Variants in FKBP15 observed in about 807,000 individuals in gnomAD.
The protein encoded by FKBP15 is FK506-binding protein 15.
A neutral mutation model predicts 158.1 loss-of-function variants in FKBP15; 106 were observed. That is an observed-to-expected ratio of 0.67 (90% CI 0.57 to 0.79). The LOEUF (loss-of-function observed/expected upper bound fraction) is 0.79. Among genes scored for constraint, FKBP15 ranks in the 30% least tolerant of loss-of-function variants. The pLI is 0.00. For missense variants in FKBP15, 1,287 were observed against 1,479.1 expected, an observed-to-expected ratio of 0.87 and a Z score of 2.13; for synonymous variants, 547 against 548.6, an observed-to-expected ratio of 1.00 and a Z score of 0.04.
At chr9:113,168,437 G>C (rs760689780) in intron 27 of FKBP15, 23 bp downstream of exon 27, 5 of 1,604,942 alleles carry the variant, frequency 3.1e-6, no homozygotes, top group Non-Finnish European at 4.3e-6. Context: ...GTGAGGACTT[G>C]ACAGTGCCTG....
In FKBP15 at chr9:113,202,582, G is replaced by A. The variant is rs62000402; in HGVS notation, c.447C>T (p.Asn149=). ...YSTFYDDQRQ[N]WSIMFESEKA... Reference sequence around the variant, plus strand: ...TTTCCGACTCAAACATGATGGACCAGTTCTGTCTCTGGTCATCATAAAAGG... The same window carrying A: ...TTTCCGACTCAAACATGATGGACCAATTCTGTCTCTGGTCATCATAAAAGG... Residue 149 remains asparagine (N), a synonymous_variant, in exon 6 of 28, where the codon AAC becomes AAT. Transcript: ENST00000238256. The A allele has an allele frequency of 3.3e-3, 5,219 of 1,584,238 alleles. 156 individuals carry two copies. In the African/African-American group the frequency reaches 0.062, roughly 19 times the overall value.
Position 113,221,069 on chromosome 9 carries a change from G to C in FKBP15, c.53+122C>G, listed in dbSNP as rs527927943. 5 of 1,070,172 alleles carry C rather than the reference G, an allele frequency of 4.7e-6. No homozygotes were observed. The South Asian group carries it at 8.0e-5, about 17-fold the overall frequency. 66.3% of individuals were successfully genotyped at this position (1,070,172 alleles called of 1,614,324 possible). A position where few individuals can be genotyped will look rare whatever the true frequency, so the allele number is the denominator to read the frequency against. On this transcript the variant is annotated intron_variant, in intron 1 of 27. Coordinates refer to ENST00000238256, the MANE Select transcript of FKBP15 (RefSeq NM_015258.2). ...AGATTCTGAGAGGTGTAGAGCACCG[G>C]AATGTGGCAAGGGTCTCCCCCCGGA...
At chr9:113,193,633 T>G in intron 10 of FKBP15, 84 bp from the exon 11 acceptor site, 1 of 1,148,292 alleles carries the variant, frequency 8.7e-7, no homozygotes, top group Admixed American at 2.0e-5. Context: ...GCAAATTGTT[T>G]TTTTAAATGT....
chr9:113,219,219 A>G (rs1318499433), intron 1 of FKBP15, among the ~76,000 whole-genome samples: 4 of 152,254 alleles, frequency 2.6e-5, no homozygotes, highest in African/African-American at 4.8e-5. Flanking sequence ...CTAGAAACTC[A>G]GAAGGCAGAT....
intron 4 of FKBP15, chr9:113,206,185 T>TGTATGTGTAC (rs1830882586): frequency 2.9e-6 from 1 of 342,046 alleles, no homozygotes; most frequent in South Asian, 4.1e-5. Context: ...TATGTGTATA[T>TGTATGTGTAC]ATATGTGTGT....
chr9:113,215,583 T>C (rs1831104335), intron 1 of FKBP15, among the ~76,000 whole-genome samples: 1 of 149,258 alleles, frequency 6.7e-6, no homozygotes, highest in African/African-American at 2.5e-5. Flanking sequence ...CATATATACA[T>C]ATGTGTGAAT....
intron 2 of FKBP15, among the ~76,000 whole-genome samples, chr9:113,208,817 G>A (rs890617762): frequency 6.6e-6 from 1 of 151,940 alleles, no homozygotes; most frequent in African/African-American, 2.4e-5. Flanking sequence ...GACCAGTCTG[G>A]CCAACATGGT....
chr9:113,168,321 CA>C, intron 27 of FKBP15, 138 bp downstream of exon 27: 1 of 697,406 alleles, frequency 1.4e-6, no homozygotes, highest in Non-Finnish European at 2.4e-6. Flanking sequence ...AGCCCAGCCC[CA>C]AGCCTGCTCC....
chr9:113,190,003 A>G (rs977494676), intron 12 of FKBP15, among the ~76,000 whole-genome samples: 13 of 152,258 alleles, frequency 8.5e-5, no homozygotes, highest in African/African-American at 2.9e-4. Flanking sequence ...ATTCAATAAA[A>G]TTATTGAACT....
intron 7 of FKBP15, among the ~76,000 whole-genome samples, chr9:113,199,436 G>A (rs1025716635): frequency 2.0e-5 from 3 of 152,130 alleles, no homozygotes; most frequent in Non-Finnish European, 2.9e-5. Context: ...TAAGTTCAAT[G>A]TATTTACAGT....
chr9:113,179,209 A>T (rs766659549), intron 19 of FKBP15, among the ~76,000 whole-genome samples: 2 of 151,912 alleles, frequency 1.3e-5, no homozygotes, highest in Non-Finnish European at 2.9e-5. Flanking sequence ...TATACCTTAC[A>T]TACATTTTCA....
Position 113,196,915 on chromosome 9 carries a change from C to G in FKBP15, c.864+17G>C. ...GGCAGAGGACTCATCAAACAAAACA[C>G]AGAGAGTTTCACTCACCCGCCTAAC... On this transcript the variant is annotated intron_variant, in intron 9 of 27. Coordinates refer to ENST00000238256, the MANE Select transcript of FKBP15 (RefSeq NM_015258.2). The G allele has an allele frequency of 3.1e-6, 5 of 1,612,498 alleles. No individual in the cohort carries two copies. Among genetic ancestry groups the G allele is most frequent in the Non-Finnish European group, 4.2e-6 (5 of 1,178,712 alleles).
chr9:113,182,276 C>T (rs375415495), intron 19 of FKBP15, among the ~76,000 whole-genome samples: 30 of 152,122 alleles, frequency 2.0e-4, no homozygotes, highest in African/African-American at 6.0e-4. Flanking sequence ...AGGGGAGAAG[C>T]GAGCTTCAGA....
rs1830725808 is a variant in FKBP15 at position 113,198,398 on chromosome 9, C to A, written c.717+457G>T. ...TAAAAATCTCCCAAATGCAATGTAA[C>A]ACATTTTCCCCTCGTATTCTTCATC... On this transcript the variant is annotated intron_variant, in intron 8 of 27. Coordinates refer to ENST00000238256, the MANE Select transcript of FKBP15 (RefSeq NM_015258.2). This position sits in a 1 kb window ranked among gnomAD's most constrained non-coding sequence, Gnocchi z 5.2. Among the ~76,000 whole-genome samples, 1 of 152,240 alleles carries A rather than the reference C, an allele frequency of 6.6e-6. No homozygotes were observed. Among genetic ancestry groups the A allele is most frequent in the Non-Finnish European group, 1.5e-5 (1 of 68,042 alleles).
intron 2 of FKBP15, among the ~76,000 whole-genome samples, chr9:113,207,735 C>T (rs528288421): frequency 3.2e-4 from 49 of 152,286 alleles, no homozygotes; most frequent in African/African-American, 1.1e-3. Flanking sequence ...ATTTGATCCA[C>T]AAAGCAGCCC....
intron 4 of FKBP15, 199 bp downstream of exon 4, chr9:113,206,310 A>G: frequency 1.8e-6 from 1 of 569,800 alleles, no homozygotes; most frequent in Non-Finnish European, 3.1e-6. Context: ...ACAATTTTGA[A>G]TGGTTGGATT....
In FKBP15 at chr9:113,173,373, G is replaced by A; in HGVS notation, c.2532+80C>T. 1.4e-6 allele frequency: 2 copies of A among 1,465,034 alleles called. 1 individual carries two copies. Among genetic ancestry groups the A allele is most frequent in the Non-Finnish European group, 1.9e-6 (2 of 1,068,684 alleles). The allele number at this position is 1,465,034 out of a possible 1,614,324, so 90.8% of individuals were successfully genotyped here. ...ATATTAATAACTTTCAGGCTTAGAAGGATCGACAGGACTCAAACAGCCTGC... is the reference window on the plus strand; with the variant it reads ...ATATTAATAACTTTCAGGCTTAGAAAGATCGACAGGACTCAAACAGCCTGC... On this transcript the variant is annotated intron_variant, in intron 23 of 27. Coordinates refer to ENST00000238256, the MANE Select transcript of FKBP15 (RefSeq NM_015258.2).
rs759648593 is a variant in FKBP15, at chr9:113,194,134, G to A, written c.900C>T (p.His300=). 3.7e-6 allele frequency: 6 copies of A among 1,612,536 alleles called. No homozygotes were observed. The East Asian group carries it at 1.1e-4, about 30-fold the overall frequency. The part of the protein sequence containing the change: ...KFARDSGSDG[H]SVSSRDSAAP... ...CTGCAGAATCGCGGGAACTAACACT[G>A]TGACCATCAGAGCCAGAATCTCTGG... is the stretch of plus-strand genomic sequence containing the variant. The change falls in exon 10 of 28, where the codon CAC becomes CAT. Residue 300 remains histidine (H), a synonymous_variant. Transcript: ENST00000238256.
At chr9:113,183,007 T>G in intron 18 of FKBP15, 139 bp from the exon 19 acceptor site, 1 of 746,832 alleles carries the variant, frequency 1.3e-6, no homozygotes, top group Non-Finnish European at 2.3e-6. Context: ...TTTCTTTTCC[T>G]TAGATCTGAA....
Sources: allele counts gnomAD v4.1 joint callset (sites outside exome capture counted in the v4.1 genomes callset), GRCh38; gene constraint gnomAD v4.1.1; non-coding constraint Gnocchi (gnomAD v3.1); transcripts MANE v1.5; gene names NCBI Gene and HGNC (gene_info 2026-07-23, HGNC 2026-07-21).